NRF1: variants seen among roughly 807,000 people sequenced by gnomAD.
NRF1 encodes the protein nuclear respiratory factor 1, also known as alpha palindromic-binding protein.
A neutral mutation model predicts 58.5 loss-of-function variants in NRF1; 5 were observed. That is an observed-to-expected ratio of 0.09 (90% CI 0.04 to 0.18). The LOEUF (loss-of-function observed/expected upper bound fraction) is 0.18. Ranked by LOEUF, NRF1 falls within the 10% of genes least tolerant of loss-of-function variation. NRF1 has a pLI of 1.00. For missense variants in NRF1, 288 were observed against 657.7 expected (o/e 0.44, Z 6.15); for synonymous variants, 224 against 246.7 (o/e 0.91, Z 0.86).
At chr7:129,649,940 A>AG (rs1244352325) in intron 1 of NRF1, among the ~76,000 whole-genome samples, 13 of 151,894 alleles carry the variant, frequency 8.6e-5, no homozygotes, top group African/African-American at 3.1e-4. Context: ...TTTTGTAGAG[A>AG]GGGGGTCTCC....
At chr7:129,663,954 G>C (rs967317162) in intron 2 of NRF1, among the ~76,000 whole-genome samples, 2 of 152,156 alleles carry the variant, frequency 1.3e-5, no homozygotes, top group Admixed American at 1.3e-4. Context: ...GCGAAACCCC[G>C]TCTCCACCAA....
In NRF1 at chr7:129,619,478, GTGTGTGTGTGTGTATA is replaced by G. The variant is rs1357730918; in HGVS notation, c.-7+7656_-7+7671del. Among the ~76,000 whole-genome samples the G allele has an allele frequency of 1.9e-3, 65 of 34,652 alleles. 2 individuals are homozygous for G. In the East Asian group the frequency reaches 0.068, roughly 37 times the overall value. The allele number at this position is 34,652 out of a possible 152,430, so 22.7% of individuals were successfully genotyped here. The stretch of plus-strand genomic sequence containing the variant: ...TATACACGTGTGTGTGTGTGTGTGT[GTGTGTGTGTGTGTATA>G]TATATATATATATATATATGTATTG... On this transcript the variant is annotated intron_variant, in intron 1 of 10. Transcript: ENST00000393232.
At chr7:129,679,605 C>A (rs1802260366) in intron 4 of NRF1, among the ~76,000 whole-genome samples, 1 of 150,826 alleles carries the variant, frequency 6.6e-6, no homozygotes, top group Non-Finnish European at 1.5e-5. Flanking sequence ...TGCCTGTAGT[C>A]CCAGCTACTC....
Position 129,617,335 on chromosome 7 carries a change from A to T in NRF1, c.-7+5511A>T, listed in dbSNP as rs915284364. 3.9e-5 allele frequency among the ~76,000 whole-genome samples: 6 copies of T among 152,316 alleles called. No individual in the cohort carries two copies. The South Asian group carries it at 8.3e-4, about 21-fold the overall frequency. On this transcript the variant is annotated intron_variant, in intron 1 of 10. Transcript: ENST00000393232. The stretch of plus-strand genomic sequence containing the variant: ...TGAATGCTAATGTGGTTAGGCTGGC[A>T]GCTAAACCTACAAAGAACAAGGGGA...
chr7:129,739,396 T>G (rs1055683613), intron 10 of NRF1, among the ~76,000 whole-genome samples: 3 of 152,142 alleles, frequency 2.0e-5, no homozygotes, highest in Non-Finnish European at 2.9e-5. Context: ...TTCTATTGGG[T>G]GGTGCTGATC....
intron 10 of NRF1, among the ~76,000 whole-genome samples, chr7:129,735,880 C>T (rs1803696930): frequency 6.6e-6 from 1 of 152,060 alleles, no homozygotes; most frequent in African/African-American, 2.4e-5. Flanking sequence ...TGGTGGCAGG[C>T]ACCTGTAGTC....
intron 5 of NRF1, among the ~76,000 whole-genome samples, chr7:129,692,045 A>G (rs1457864817): frequency 1.3e-5 from 2 of 152,098 alleles, no homozygotes; most frequent in Non-Finnish European, 2.9e-5. Context: ...AAGTCCCAGT[A>G]TAGAAGTAAT....
chr7:129,672,042 A>G (rs538560165), intron 3 of NRF1, among the ~76,000 whole-genome samples: 1 of 152,186 alleles, frequency 6.6e-6, no homozygotes, highest in African/African-American at 2.4e-5. Flanking sequence ...AGGTGCTGAA[A>G]GAGCACACAT....
intron 9 of NRF1, among the ~76,000 whole-genome samples, chr7:129,720,360 C>T (rs556416471): frequency 6.6e-6 from 1 of 152,322 alleles, no homozygotes; most frequent in South Asian, 2.1e-4. Context: ...CCTTAACATT[C>T]GCTTCTTTGT....
At chr7:129,671,072 TCTC>T (rs914980335) in intron 2 of NRF1, among the ~76,000 whole-genome samples, 62 of 152,264 alleles carry the variant, frequency 4.1e-4, no homozygotes, top group African/African-American at 1.1e-3. Context: ...TTGGCAAACT[TCTC>T]CTCTCAGTGC....
intron 10 of NRF1, among the ~76,000 whole-genome samples, chr7:129,732,606 G>GTTTT (rs1803607525): frequency 6.6e-6 from 1 of 151,612 alleles, no homozygotes; most frequent in Non-Finnish European, 1.5e-5. Context: ...GTTTTTGTTT[G>GTTTT]TTTGTTTGTT....
chr7:129,631,361 A>G (rs1801045134), intron 1 of NRF1, among the ~76,000 whole-genome samples: 1 of 152,184 alleles, frequency 6.6e-6, no homozygotes, highest in African/African-American at 2.4e-5. Flanking sequence ...CTGGGATCAC[A>G]AGCGTGCGCC....
intron 10 of NRF1, among the ~76,000 whole-genome samples, chr7:129,743,419 C>T (rs759695205): frequency 3.9e-5 from 6 of 152,266 alleles, no homozygotes; most frequent in South Asian, 2.1e-4. Context: ...GGGTGTGGAA[C>T]GCTGGGCTGC....
intron 2 of NRF1, among the ~76,000 whole-genome samples, chr7:129,658,706 A>T (rs1188865978): frequency 1.2e-4 from 18 of 151,896 alleles, no homozygotes; most frequent in Non-Finnish European, 8.8e-5. Context: ...CGCCCATCCT[A>T]TATGCTATTG....
intron 1 of NRF1, among the ~76,000 whole-genome samples, chr7:129,656,688 C>T (rs993176248): frequency 6.6e-6 from 1 of 152,106 alleles, no homozygotes; most frequent in African/African-American, 2.4e-5. Flanking sequence ...ACTTCTCCTG[C>T]CTCAGCCTCC....
At chr7:129,736,720 AC>A (rs959000528) in intron 10 of NRF1, among the ~76,000 whole-genome samples, 5 of 117,928 alleles carry the variant, frequency 4.2e-5, no homozygotes, top group African/African-American at 1.6e-4. Context: ...TCCCACCCCC[AC>A]CCCCACCCCT....
Position 129,717,187 on chromosome 7 carries a change from G to GT in NRF1, c.1066-25dup. ...TGTAAAATTGTACTTTTGTGGCTTT[G>GT]TTTTTTTACTATCTTGTCCTTTCTG... On this transcript the variant is annotated intron_variant, in intron 8 of 10. Coordinates refer to ENST00000393232, the MANE Select transcript of NRF1 (RefSeq NM_005011.5). The GT allele has an allele frequency of 3.2e-6, 5 of 1,552,120 alleles. No individual in the cohort carries two copies. The South Asian group carries it at 3.6e-5, about 11-fold the overall frequency.
At chr7:129,619,336 G>C (rs1441991956) in intron 1 of NRF1, among the ~76,000 whole-genome samples, 2 of 137,770 alleles carry the variant, frequency 1.5e-5, no homozygotes, top group South Asian at 2.3e-4. Context: ...AACATAGCAA[G>C]ACCTCGTATC....
chr7:129,635,329 A>G (rs1584593520), intron 1 of NRF1, among the ~76,000 whole-genome samples: 2 of 151,914 alleles, frequency 1.3e-5, no homozygotes, highest in African/African-American at 2.4e-5. Context: ...TTTTTTTCCT[A>G]CCTTTCTCTG....
Sources: gnomAD v4.1 joint callset for allele counts (sites outside exome capture counted in the v4.1 genomes callset) on GRCh38, gnomAD v4.1.1 for gene constraint, MANE v1.5 for transcripts, NCBI Gene and HGNC (gene_info 2026-07-23, HGNC 2026-07-21) for gene names.